BTC: variants seen among roughly 807,000 people sequenced by gnomAD.
BTC encodes probetacellulin.
A neutral mutation model predicts 18.1 loss-of-function variants in BTC; 13 were observed. That is an observed-to-expected ratio of 0.72 (90% confidence interval 0.47 to 1.14). BTC has a LOEUF of 1.14. Ranked by LOEUF, BTC falls within the 50% of genes most tolerant of loss-of-function variation. BTC has a pLI of 0.00. For synonymous variants in BTC, 83 were observed against 79.4 expected (o/e 1.05, Z -0.24); for missense variants, 247 against 224.2 (o/e 1.10, Z -0.65).
intron 1 of BTC, among the ~76,000 whole-genome samples, chr4:74,785,036 C>T (rs1725443079): frequency 6.6e-6 from 1 of 152,104 alleles, no homozygotes; most frequent in South Asian, 2.1e-4. Flanking sequence ...TAGAATTCAG[C>T]CGTGAATCTT....
At chr4:74,751,995 A>C (rs1417953293) in intron 3 of BTC, among the ~76,000 whole-genome samples, 1 of 152,240 alleles carries the variant, frequency 6.6e-6, no homozygotes, top group Non-Finnish European at 1.5e-5. Context: ...TCCTTTAAGA[A>C]AGGATTTACG....
intron 1 of BTC, among the ~76,000 whole-genome samples, chr4:74,770,916 T>G (rs1487376989): frequency 1.2e-5 from 1 of 85,024 alleles, no homozygotes; most frequent in Non-Finnish European, 1.9e-5. Context: ...ATATCGTGTA[T>G]GTGTGTGTGT....
intron 3 of BTC, among the ~76,000 whole-genome samples, chr4:74,751,671 G>A (rs994705732): frequency 1.3e-5 from 2 of 152,050 alleles, no homozygotes; most frequent in Non-Finnish European, 2.9e-5. Context: ...GTAACATCCA[G>A]GGAGCTAACA....
rs113038909 is a variant in BTC, at chr4:74,770,203, T to G, written c.65-47A>C. 631 of 1,465,380 alleles carry G rather than the reference T, an allele frequency of 4.3e-4. 1 individual carries two copies. The African/African-American group carries it at 7.4e-3, about 17-fold the overall frequency. 90.8% of individuals were successfully genotyped at this position (1,465,380 alleles called of 1,614,324 possible). ...AAAATCAAACATGAAAATTTGCTTA[T>G]TGTGAAACAGTCTATCAAAGTCATC... On this transcript the variant is annotated intron_variant, in intron 1 of 5. Transcript: ENST00000395743.
intron 1 of BTC, among the ~76,000 whole-genome samples, chr4:74,785,135 C>A (rs1248122277): frequency 6.6e-6 from 1 of 152,078 alleles, no homozygotes; most frequent in Non-Finnish European, 1.5e-5. Context: ...GATTCAATTT[C>A]TTCCTGAGTT....
rs143698796 is a variant in BTC, at chr4:74,777,046, T to C, written c.65-6890A>G. ...AGCAGAAATTAGAAGAATATTTCAT[T>C]GTCGCACCTCTATCATTTTATTTAC... On this transcript the variant is annotated intron_variant, in intron 1 of 5. Transcript: ENST00000395743. Among the ~76,000 whole-genome samples the C allele has an allele frequency of 2.0e-4, 30 of 152,288 alleles. 1 individual carries two copies. The East Asian group carries it at 5.8e-3, about 29-fold the overall frequency.
At chr4:74,749,194 C>T (rs1170549259) in intron 4 of BTC, among the ~76,000 whole-genome samples, 1 of 151,972 alleles carries the variant, frequency 6.6e-6, no homozygotes, top group African/African-American at 2.4e-5. Context: ...CTTTGGGATG[C>T]CGAGGTAGGT....
intron 2 of BTC, among the ~76,000 whole-genome samples, chr4:74,761,878 C>T (rs1017302480): frequency 6.6e-6 from 1 of 152,172 alleles, no homozygotes; most frequent in Non-Finnish European, 1.5e-5. Context: ...GTCATTAAAA[C>T]TCACTCAGAG....
chr4:74,763,724 G>C (rs1560714756), intron 2 of BTC, among the ~76,000 whole-genome samples: 1 of 152,102 alleles, frequency 6.6e-6, no homozygotes, highest in Non-Finnish European at 1.5e-5. Context: ...GATAGCCAGA[G>C]ATTGGCTGAA....
Position 74,794,385 on chromosome 4 carries a change from T to G in BTC, c.-60A>C. 6.9e-7 allele frequency: 1 copy of G among 1,449,558 alleles called. No individual in the cohort carries two copies. The highest frequency in any genetic ancestry group is 9.1e-7 in the Non-Finnish European group (1 of 1,099,670). 89.8% of individuals were successfully genotyped at this position (1,449,558 alleles called of 1,614,324 possible). A position where few individuals can be genotyped will look rare whatever the true frequency, so the allele number is the denominator to read the frequency against. ...CAAGTCTCCCTCCTTCTTCGCCCCC[T>G]TCCCGGGCCTCGGGCGCCTGAGAGG... is the stretch of plus-strand genomic sequence containing the variant. On this transcript the variant is annotated 5_prime_UTR_variant, in exon 1 of 6. Transcript: ENST00000395743.
At chr4:74,755,232 C>T (rs1724567716) in intron 3 of BTC, among the ~76,000 whole-genome samples, 1 of 152,184 alleles carries the variant, frequency 6.6e-6, no homozygotes, top group African/African-American at 2.4e-5. Context: ...TCTCCTCCCA[C>T]TTCTCTAAGG....
intron 2 of BTC, among the ~76,000 whole-genome samples, chr4:74,768,506 A>G (rs537430749): frequency 2.3e-4 from 35 of 152,302 alleles, no homozygotes; most frequent in African/African-American, 8.2e-4. Context: ...ACAGTCACAG[A>G]AAGACAAATA....
At chr4:74,788,554 CATT>C (rs1725542165) in intron 1 of BTC, among the ~76,000 whole-genome samples, 1 of 152,176 alleles carries the variant, frequency 6.6e-6, no homozygotes, top group South Asian at 2.1e-4. Context: ...AGACTTTTCT[CATT>C]AATGTTTAAT....
Position 74,787,479 on chromosome 4 carries a change from T to A in BTC, c.64+6783A>T, listed in dbSNP as rs544998537. Among the ~76,000 whole-genome samples, 7 of 152,274 alleles carry A rather than the reference T, an allele frequency of 4.6e-5. No individual in the cohort carries two copies. The South Asian group carries it at 1.5e-3, about 32-fold the overall frequency. Reference sequence around the variant, plus strand: ...AGATATACAGTTGAAATACTAAGATTTTTTTTAAGATATAAATATATCTGG... The same window carrying A: ...AGATATACAGTTGAAATACTAAGATATTTTTTAAGATATAAATATATCTGG... On this transcript the variant is annotated intron_variant, in intron 1 of 5. Coordinates refer to ENST00000395743, the MANE Select transcript of BTC (RefSeq NM_001729.4).
intron 3 of BTC, among the ~76,000 whole-genome samples, chr4:74,755,410 C>T (rs1458974770): frequency 9.2e-5 from 14 of 152,180 alleles, no homozygotes; most frequent in African/African-American, 1.4e-4. Context: ...AAACAGGCTT[C>T]GCTAATCTCT....
intron 3 of BTC, 66 bp downstream of exon 3, chr4:74,755,793 C>A: frequency 6.9e-7 from 1 of 1,454,826 alleles, no homozygotes; most frequent in Non-Finnish European, 9.6e-7. Flanking sequence ...CTTTCCAGTC[C>A]TGGCAAGACC....
At chr4:74,786,912 G>A (rs999245479) in intron 1 of BTC, among the ~76,000 whole-genome samples, 4 of 151,848 alleles carry the variant, frequency 2.6e-5, no homozygotes, top group African/African-American at 9.7e-5. Context: ...GGAGAAACCT[G>A]TCCTTCTACC....
intron 2 of BTC, 119 bp downstream of exon 2, chr4:74,769,939 G>T (rs542205432): frequency 6.3e-5 from 48 of 762,142 alleles, no homozygotes; most frequent in Admixed American, 1.2e-4. Flanking sequence ...TGTATATAAA[G>T]CACTTAGCAC....
chr4:74,754,974 C>T (rs1323031691), intron 3 of BTC, among the ~76,000 whole-genome samples: 1 of 151,766 alleles, frequency 6.6e-6, no homozygotes, highest in Non-Finnish European at 1.5e-5. Flanking sequence ...CACTCACACA[C>T]ACACATTTCC....
Sources: allele counts gnomAD v4.1 joint callset (sites outside exome capture counted in the v4.1 genomes callset), GRCh38; gene constraint gnomAD v4.1.1; transcripts MANE v1.5; gene names NCBI Gene and HGNC (gene_info 2026-07-23, HGNC 2026-07-21).